MTERF4: variants seen among roughly 807,000 people sequenced by gnomAD.
MTERF4 encodes mitochondrial transcription termination factor 4.
A neutral mutation model predicts 22.5 loss-of-function variants in MTERF4; 17 were observed. That is an observed-to-expected ratio of 0.75 (90% confidence interval 0.52 to 1.13). The LOEUF is 1.13. Ranked by LOEUF, MTERF4 falls within the 50% of genes most tolerant of loss-of-function variation. The pLI is 0.00. For synonymous variants in MTERF4, 165 were observed against 175.3 expected, an observed-to-expected ratio of 0.94 and a Z score of 0.47; for missense variants, 420 against 466.8, an observed-to-expected ratio of 0.90 and a Z score of 0.92.
At chr2:241,057,300 A>C in the MTERF4 span, among the ~76,000 whole-genome samples, 2 of 148,920 alleles carry the variant, frequency 1.3e-5, no homozygotes, top group South Asian at 4.3e-4. Context: ...AATTGCTTGA[A>C]CCTCGGAGGC....
At chr2:241,063,720 G>A in the MTERF4 span, 3 of 1,480,958 alleles carry the variant, frequency 2.0e-6, no homozygotes, top group Admixed American at 3.6e-5. Context: ...CCCTCCAGTG[G>A]GCCCCACATG....
chr2:241,082,442 C>A (rs913284768), downstream of MTERF4: 1 of 1,092,292 alleles, frequency 9.2e-7, no homozygotes, highest in Non-Finnish European at 1.4e-6. Flanking sequence ...TCAAAGCTAC[C>A]CAGCTAACCC....
rs2062850387 is a variant in MTERF4 at position 241,073,507 on chromosome 2, C to A, written n.2655G>T. 1.4e-6 allele frequency: 1 copy of A among 712,012 alleles called. No individual in the cohort carries two copies. Among genetic ancestry groups the A allele is most frequent in the East Asian group, 2.7e-5 (1 of 36,790 alleles). 44.1% of individuals were successfully genotyped at this position (712,012 alleles called of 1,614,324 possible). On this transcript the variant is annotated non_coding_transcript_exon_variant, in exon 5 of 5. Transcript: ENST00000464344. The surrounding 1 kb of genome is among the most constrained non-coding windows in gnomAD (Gnocchi z 6.6). ...GAGGGGAGGCTGAGCACCAGGCACC[C>A]CGGTGTGGGAAGATGGGGTGAAGCT...
At chr2:241,055,952 T>G in the MTERF4 span, among the ~76,000 whole-genome samples, 2 of 152,242 alleles carry the variant, frequency 1.3e-5, no homozygotes, top group Admixed American at 1.3e-4. Flanking sequence ...GCTACTCAGC[T>G]TCGCTACCTA....
the MTERF4 span, among the ~76,000 whole-genome samples, chr2:241,060,251 C>T: frequency 7.9e-5 from 12 of 151,322 alleles, no homozygotes; most frequent in East Asian, 1.7e-3. Flanking sequence ...GGCACAATCT[C>T]GGCTCACTGC....
At chr2:241,084,210 C>T (rs1013928156), downstream of MTERF4, among the ~76,000 whole-genome samples, 1 of 147,462 alleles carries the variant, frequency 6.8e-6, no homozygotes, top group Non-Finnish European at 1.5e-5. Flanking sequence ...GATCTTGGCT[C>T]ATCGCAACCT....
downstream of MTERF4, chr2:241,082,440 AC>A: frequency 9.2e-7 from 1 of 1,092,190 alleles, no homozygotes; most frequent in Non-Finnish European, 1.4e-6. Context: ...TCTCAAAGCT[AC>A]CCAGCTAACC....
the MTERF4 span, chr2:241,052,257 C>CGCAGGAGGTGGAGCTGGGT: frequency 2.1e-6 from 3 of 1,433,882 alleles, no homozygotes; most frequent in Non-Finnish European, 2.9e-6. Flanking sequence ...GCCCTGGAGG[C>CGCAGGAGGTGGAGCTGGGT]GCAGGAGGTG....
intron 4 of MTERF4, among the ~76,000 whole-genome samples, chr2:241,076,986 G>A (rs1163037171): frequency 1.3e-5 from 2 of 152,144 alleles, no homozygotes; most frequent in Non-Finnish European, 2.9e-5. Context: ...GGCTGAGGCA[G>A]GAGAATGGCG....
At chr2:241,086,425 C>T (rs1469634470), downstream of MTERF4, among the ~76,000 whole-genome samples, 1 of 152,200 alleles carries the variant, frequency 6.6e-6, no homozygotes, top group Non-Finnish European at 1.5e-5. Context: ...GTTTCCTCAA[C>T]TCAGTGTGAC....
At chr2:241,064,102 T>G in the MTERF4 span, 5 of 1,565,838 alleles carry the variant, frequency 3.2e-6, no homozygotes, top group East Asian at 2.4e-5. The surrounding 1 kb of genome is among the most constrained non-coding windows in gnomAD (Gnocchi z 7.0). Flanking sequence ...CCAGAGAGCT[T>G]CTTCGGCTAC....
intron 4 of MTERF4, among the ~76,000 whole-genome samples, chr2:241,078,475 C>T (rs904442552): frequency 4.0e-5 from 6 of 151,538 alleles, no homozygotes; most frequent in African/African-American, 1.5e-4. Flanking sequence ...AAAACAAGGA[C>T]GCATGCTGCA....
chr2:241,045,614 C>T, the MTERF4 span, among the ~76,000 whole-genome samples: 1 of 150,738 alleles, frequency 6.6e-6, no homozygotes, highest in Admixed American at 6.6e-5. Flanking sequence ...AAAAAAACCT[C>T]AACTTCAACC....
rs2125380961 is a variant in MTERF4, at chr2:241,096,528, G to A, written c.706-90C>T. 6.9e-7 allele frequency: 1 copy of A among 1,442,770 alleles called. No individual in the cohort carries two copies. Among genetic ancestry groups the A allele is most frequent in the East Asian group, 2.3e-5 (1 of 44,030 alleles). 89.4% of individuals were successfully genotyped at this position (1,442,770 alleles called of 1,614,324 possible). ...CCATAAAAACTTAAGTTGTACAAAAGGATTCAAAAAGAATTGCCTAATTGA... is the reference window on the plus strand; with the variant it reads ...CCATAAAAACTTAAGTTGTACAAAAAGATTCAAAAAGAATTGCCTAATTGA... On this transcript the variant is annotated intron_variant, in intron 3 of 3. Coordinates refer to ENST00000391980, the MANE Select transcript of MTERF4 (RefSeq NM_182501.4). This position sits in a 1 kb window ranked among gnomAD's most constrained non-coding sequence, Gnocchi z 5.1.
intron 4 of MTERF4, among the ~76,000 whole-genome samples, chr2:241,076,419 C>T (rs1169614214): frequency 1.3e-5 from 2 of 152,058 alleles, no homozygotes; most frequent in Admixed American, 6.6e-5. Context: ...AGTTACTTTT[C>T]CTGATTATTT....
chr2:241,064,490 C>G, the MTERF4 span, among the ~76,000 whole-genome samples: 2 of 152,198 alleles, frequency 1.3e-5, no homozygotes, highest in Non-Finnish European at 2.9e-5. This position sits in a 1 kb window ranked among gnomAD's most constrained non-coding sequence, Gnocchi z 7.0. Context: ...CTGGAACATT[C>G]TCCCTAATCA....
chr2:241,053,393 G>A, the MTERF4 span: 3 of 1,465,030 alleles, frequency 2.0e-6, no homozygotes, highest in African/African-American at 1.4e-5. Context: ...GCCATGTGGA[G>A]GAGCACAGGG....
At chr2:241,051,604 C>T in the MTERF4 span, 2,308 of 641,408 alleles carry the variant, frequency 3.6e-3, 10 homozygotes, top group African/African-American at 0.012. This position sits in a 1 kb window ranked among gnomAD's most constrained non-coding sequence, Gnocchi z 4.7. Context: ...CTGCTTGGCC[C>T]CTGCTGCAGC....
Position 241,073,360 on chromosome 2 carries a change from C to A in MTERF4, n.2802G>T. The A allele has an allele frequency of 6.4e-7, 1 of 1,567,096 alleles. No individual in the cohort carries two copies. The highest frequency in any genetic ancestry group is 8.6e-7 in the Non-Finnish European group (1 of 1,156,928). Reference sequence around the variant, plus strand: ...TCCCTGAACACGGCAGCAAGGACATCGGAAGTGAGTCAGCAGCGCTGGTGG... The same window carrying A: ...TCCCTGAACACGGCAGCAAGGACATAGGAAGTGAGTCAGCAGCGCTGGTGG... On this transcript the variant is annotated non_coding_transcript_exon_variant, in exon 5 of 5. Coordinates refer to the MTERF4 transcript ENST00000464344. The surrounding 1 kb of genome is among the most constrained non-coding windows in gnomAD (Gnocchi z 6.6).
Sources: gnomAD v4.1 joint callset for allele counts (sites outside exome capture counted in the v4.1 genomes callset) on GRCh38, gnomAD v4.1.1 for gene constraint, Gnocchi (gnomAD v3.1) non-coding constraint, MANE v1.5 for transcripts, NCBI Gene and HGNC (gene_info 2026-07-23, HGNC 2026-07-21) for gene names.